RALGAPA1: variants seen among roughly 807,000 people sequenced by gnomAD.
RALGAPA1 encodes Ral GTPase activating protein catalytic subunit alpha 1.
A neutral mutation model predicts 269.6 loss-of-function variants in RALGAPA1; 52 were observed. The observed-to-expected ratio is 0.19, with a 90% CI of 0.15 to 0.24. The LOEUF is 0.24. Among genes scored for constraint, RALGAPA1 ranks in the 10% least tolerant of loss-of-function variants. The probability of loss-of-function intolerance (pLI) is 1.00; values close to 1 mark genes in which losing one functional copy is unlikely to be tolerated. For synonymous variants in RALGAPA1, 817 were observed against 1,008.3 expected (o/e 0.81, Z 3.60); for missense variants, 1,917 against 3,013.9 (o/e 0.64, Z 8.52).
At chr14:35,664,859 G>A (rs2063806952) in intron 26 of RALGAPA1, 92 bp from the exon 27 acceptor site, 1 of 1,149,604 alleles carries the variant, frequency 8.7e-7, no homozygotes, top group East Asian at 2.5e-5. Context: ...ATTAGACAGG[G>A]AAGTGATACA....
chr14:35,778,177 C>T (rs2075177804), intron 1 of RALGAPA1, among the ~76,000 whole-genome samples: 1 of 152,004 alleles, frequency 6.6e-6, no homozygotes, highest in Non-Finnish European at 1.5e-5. Flanking sequence ...CCTCCCACCT[C>T]AGCCTCCAAA....
chr14:35,628,332 T>C (rs1033562439), intron 33 of RALGAPA1, among the ~76,000 whole-genome samples: 1 of 152,132 alleles, frequency 6.6e-6, no homozygotes, highest in African/African-American at 2.4e-5. Flanking sequence ...GGAGGATTGC[T>C]TGAGACCAGT....
intron 31 of RALGAPA1, among the ~76,000 whole-genome samples, chr14:35,647,924 G>A (rs1330132047): frequency 6.6e-6 from 1 of 151,714 alleles, no homozygotes; most frequent in African/African-American, 2.4e-5. Context: ...CTCCAGCCTG[G>A]GTGACACAGC....
rs773091640 is a variant in RALGAPA1 at position 35,572,728 on chromosome 14, C to T, written c.7210-10G>A. 6.3e-7 allele frequency: 1 copy of T among 1,587,566 alleles called. No homozygotes were observed. Among genetic ancestry groups the T allele is most frequent in the Non-Finnish European group, 8.6e-7 (1 of 1,168,374 alleles). On this transcript the variant is annotated splice_polypyrimidine_tract_variant and intron_variant, in intron 37 of 41. Coordinates refer to ENST00000680220, the MANE Select transcript of RALGAPA1 (RefSeq NM_001346249.2). ...TTCCCAAATGTCTCAACTGGAAAGA[C>T]AAGAAAACAATTTATACTGCTTTAA...
Position 35,629,278 on chromosome 14 carries a change from AGG to A in RALGAPA1, c.5996-1329_5996-1328del, listed in dbSNP as rs746104578. On this transcript the variant is annotated intron_variant, in intron 33 of 41. Transcript: ENST00000680220. ...ATTAGTCATTCATGTTAGGATGTTT[AGG>A]GGGTGTGTGTGTGTGTGTGTGTGTG... is the stretch of plus-strand genomic sequence containing the variant. Among the ~76,000 whole-genome samples the A allele has an allele frequency of 8.6e-3, 719 of 83,670 alleles. 8 individuals are homozygous for A. The highest frequency in any genetic ancestry group is 0.021 in the African/African-American group (547 of 26,642). 54.9% of individuals were successfully genotyped at this position (83,670 alleles called of 152,430 possible). A position where few individuals can be genotyped will look rare whatever the true frequency, so the allele number is the denominator to read the frequency against.
intron 12 of RALGAPA1, among the ~76,000 whole-genome samples, chr14:35,735,754 G>T (rs1308032950): frequency 6.6e-6 from 1 of 151,866 alleles, no homozygotes; most frequent in Non-Finnish European, 1.5e-5. Context: ...AAAATGAATA[G>T]AAAAAAGGAA....
intron 37 of RALGAPA1, among the ~76,000 whole-genome samples, chr14:35,590,142 T>G (rs1042621786): frequency 5.3e-5 from 8 of 152,196 alleles, no homozygotes; most frequent in Admixed American, 3.3e-4. Flanking sequence ...CATATACTAT[T>G]ATCAGTATTG....
At chr14:35,609,247 CA>C (rs563927870) in intron 35 of RALGAPA1, among the ~76,000 whole-genome samples, 2 of 146,906 alleles carry the variant, frequency 1.4e-5, no homozygotes, top group East Asian at 2.0e-4. Flanking sequence ...AACCAAAAAA[CA>C]AAAAAAAACA....
At chr14:35,760,743 T>C in intron 6 of RALGAPA1, 86 bp downstream of exon 6, 2 of 928,516 alleles carry the variant, frequency 2.2e-6, no homozygotes, top group Non-Finnish European at 1.6e-6. Flanking sequence ...ACCCAGTTAA[T>C]GAATGCACAG....
chr14:35,658,675 A>C (rs1163281522), intron 28 of RALGAPA1, among the ~76,000 whole-genome samples: 3 of 150,938 alleles, frequency 2.0e-5, no homozygotes, highest in African/African-American at 7.4e-5. Context: ...AAACTATGAC[A>C]TATTCTATTT....
intron 31 of RALGAPA1, among the ~76,000 whole-genome samples, chr14:35,651,204 A>G (rs1029435594): frequency 6.6e-6 from 1 of 152,168 alleles, no homozygotes; most frequent in Non-Finnish European, 1.5e-5. Flanking sequence ...ATTATTATAA[A>G]TATGTTAAAG....
intron 31 of RALGAPA1, among the ~76,000 whole-genome samples, chr14:35,647,060 G>T (rs752359994): frequency 2.6e-5 from 4 of 152,010 alleles, no homozygotes; most frequent in Admixed American, 1.3e-4. Context: ...TCCAGTCTTG[G>T]CTCTGATATT....
intron 35 of RALGAPA1, among the ~76,000 whole-genome samples, chr14:35,614,189 CAGAG>C: frequency 6.6e-6 from 1 of 152,242 alleles, no homozygotes; most frequent in Admixed American, 6.5e-5. Flanking sequence ...AATGGTGAAA[CAGAG>C]AGTTATCATA....
chr14:35,542,152 C>T, intron 41 of RALGAPA1: 1 of 446,136 alleles, frequency 2.2e-6, no homozygotes, highest in Middle Eastern at 8.2e-4. Context: ...ATCACTCAGA[C>T]ATAAAATCTC....
At chr14:35,684,826 A>T in intron 20 of RALGAPA1, 103 bp downstream of exon 20, 1 of 1,206,550 alleles carries the variant, frequency 8.3e-7, no homozygotes, top group South Asian at 1.6e-5. Flanking sequence ...CCACTGCCTA[A>T]GTAACACTGG....
At chr14:35,747,555 C>T (rs2072234123) in intron 10 of RALGAPA1, among the ~76,000 whole-genome samples, 1 of 152,332 alleles carries the variant, frequency 6.6e-6, no homozygotes, top group African/African-American at 2.4e-5. Flanking sequence ...TTGTTTTACA[C>T]ATCAATAAGT....
At chr14:35,636,741 G>C (rs2061687302) in intron 31 of RALGAPA1, among the ~76,000 whole-genome samples, 1 of 152,104 alleles carries the variant, frequency 6.6e-6, no homozygotes, top group Non-Finnish European at 1.5e-5. Flanking sequence ...GGCTGGTCTT[G>C]AACTCCTAGC....
chr14:35,760,734 C>A (rs1022313290), intron 6 of RALGAPA1, 95 bp downstream of exon 6: 1 of 820,036 alleles, frequency 1.2e-6, no homozygotes, highest in Non-Finnish European at 1.9e-6. Flanking sequence ...CCTTGGATTA[C>A]CCAGTTAATG....
At chr14:35,660,482 A>C (rs1236358312) in intron 27 of RALGAPA1, among the ~76,000 whole-genome samples, 2 of 152,136 alleles carry the variant, frequency 1.3e-5, no homozygotes, top group Non-Finnish European at 2.9e-5. Context: ...AAAACTATAA[A>C]ACACTGAGGA....
Sources: gnomAD v4.1 joint callset for allele counts (sites outside exome capture counted in the v4.1 genomes callset) on GRCh38, gnomAD v4.1.1 for gene constraint, MANE v1.5 for transcripts, NCBI Gene and HGNC (gene_info 2026-07-23, HGNC 2026-07-21) for gene names.